Variants in ACO2 observed in about 807,000 individuals in gnomAD.
ACO2 encodes the protein aconitate hydratase, mitochondrial.
A neutral mutation model predicts 84.5 loss-of-function variants in ACO2; 31 were observed. That is an observed-to-expected ratio of 0.37 (90% CI 0.28 to 0.50). The LOEUF is 0.50. ACO2 is among the 20% of genes least tolerant of loss of function. The pLI, the probability that ACO2 is intolerant of heterozygous loss-of-function variation, is 0.97. For missense variants in ACO2, 685 were observed against 1,029.3 expected, an observed-to-expected ratio of 0.67 and a Z score of 4.58; for synonymous variants, 414 against 412.7, an observed-to-expected ratio of 1.00 and a Z score of -0.04.
chr22:41,482,256 A>G (rs1018849449), intron 1 of ACO2, among the ~76,000 whole-genome samples: 1 of 152,040 alleles, frequency 6.6e-6, no homozygotes, highest in African/African-American at 2.4e-5. Context: ...GGGACCAACA[A>G]CCCCCTGGAG....
intron 1 of ACO2, among the ~76,000 whole-genome samples, chr22:41,498,859 C>T (rs1265719411): frequency 5.9e-5 from 9 of 151,978 alleles, no homozygotes; most frequent in Admixed American, 2.0e-4. Flanking sequence ...TTTGGGAGGC[C>T]GAGGCAGATG....
chr22:41,513,491 T>C (rs1432793583), intron 4 of ACO2, among the ~76,000 whole-genome samples: 3 of 152,222 alleles, frequency 2.0e-5, no homozygotes, highest in Non-Finnish European at 4.4e-5. Context: ...CTGGCCCCAC[T>C]TGGCCCGCAG....
At position 41,517,618 on chromosome 22, in the gene ACO2, G is replaced by C. The variant is rs772325936; in HGVS notation, c.927G>C (p.Lys309Asn). The C allele has an allele frequency of 3.7e-6, 6 of 1,613,898 alleles. No individual in the cohort carries two copies. Among genetic ancestry groups the C allele is most frequent in the Non-Finnish European group, 5.1e-6 (6 of 1,180,014 alleles). ...ACAGGATGAAGAAGTACCTGAGCAA[G>C]ACCGGCCGGGAAGGTGAGCTGGCAG... ...YNHRMKKYLS[K>N]TGREDIANLA... is the part of the protein sequence containing the mutation. Residue 309 changes from lysine (K) to asparagine (N), a missense_variant, in exon 7 of 18, where the codon AAG (lysine) becomes AAC (asparagine). This residue lies in a region of ACO2 where 311 missense variants were observed against 441.6 expected (regional missense o/e 0.70). Coordinates refer to ENST00000216254, the MANE Select transcript of ACO2 (RefSeq NM_001098.3).
intron 2 of ACO2, among the ~76,000 whole-genome samples, chr22:41,502,378 G>T (rs116036516): frequency 6.6e-6 from 1 of 152,132 alleles, no homozygotes; most frequent in African/African-American, 2.4e-5. Flanking sequence ...AGGGACTTAC[G>T]TGCCTGTCAA....
At chr22:41,514,481 T>C (rs1302761611) in intron 4 of ACO2, among the ~76,000 whole-genome samples, 1 of 152,194 alleles carries the variant, frequency 6.6e-6, no homozygotes, top group Non-Finnish European at 1.5e-5. Context: ...AAGTGACTTG[T>C]CCATGGTCCC....
At chr22:41,485,434 A>ATTTTTT (rs71184813) in intron 1 of ACO2, among the ~76,000 whole-genome samples, 2 of 69,026 alleles carry the variant, frequency 2.9e-5, no homozygotes, top group Non-Finnish European at 5.7e-5. Flanking sequence ...TGCCCGGCTA[A>ATTTTTT]TTTTTTTTTT....
chr22:41,489,671 C>T (rs2066257664), intron 1 of ACO2, among the ~76,000 whole-genome samples: 1 of 151,604 alleles, frequency 6.6e-6, no homozygotes, highest in Non-Finnish European at 1.5e-5. Flanking sequence ...GTTAAACATT[C>T]TGGGCAAGAC....
At chr22:41,494,994 A>G (rs1368099804) in intron 1 of ACO2, among the ~76,000 whole-genome samples, 2 of 151,700 alleles carry the variant, frequency 1.3e-5, no homozygotes, top group African/African-American at 4.8e-5. Context: ...TCAGCCTCTC[A>G]AAGTGCTGGA....
chr22:41,525,081 A>G (rs1407459483), intron 13 of ACO2, 112 bp from the exon 14 acceptor site: 2 of 1,597,568 alleles, frequency 1.3e-6, no homozygotes, highest in East Asian at 4.5e-5. Flanking sequence ...AGAAGGAAGC[A>G]GCTCTGTTCC....
chr22:41,480,221 A>G (rs1368918545), intron 1 of ACO2, among the ~76,000 whole-genome samples: 1 of 152,240 alleles, frequency 6.6e-6, no homozygotes, highest in Non-Finnish European at 1.5e-5. Context: ...CCACTTAGAC[A>G]GAGTCCACCT....
chr22:41,486,912 CT>C (rs2038164532), intron 1 of ACO2, among the ~76,000 whole-genome samples: 1 of 151,848 alleles, frequency 6.6e-6, no homozygotes, highest in South Asian at 2.1e-4. Context: ...TTGAGACAGT[CT>C]GTCTCTGTCG....
At chr22:41,474,846 G>T (rs2037993538) in intron 1 of ACO2, among the ~76,000 whole-genome samples, 1 of 151,760 alleles carries the variant, frequency 6.6e-6, no homozygotes, top group Admixed American at 6.6e-5. Context: ...TGATCTGCCT[G>T]CCTCGGCCTC....
chr22:41,479,955 T>C (rs533282601), intron 1 of ACO2, among the ~76,000 whole-genome samples: 1 of 152,368 alleles, frequency 6.6e-6, no homozygotes, highest in East Asian at 1.9e-4. Flanking sequence ...GGCTTTGACT[T>C]GGAGAGACAT....
intron 1 of ACO2, among the ~76,000 whole-genome samples, chr22:41,482,344 C>T (rs1278963983): frequency 2.0e-5 from 3 of 152,248 alleles, no homozygotes; most frequent in Admixed American, 1.3e-4. Context: ...AAGTCTCGGC[C>T]TCTGCAAGTT....
chr22:41,523,348 G>T (rs927424471), intron 11 of ACO2, 70 bp downstream of exon 11: 1 of 1,257,024 alleles, frequency 8.0e-7, no homozygotes, highest in East Asian at 2.4e-5. Flanking sequence ...GTTGGAGGGG[G>T]AATTATTGGG....
In ACO2 at chr22:41,528,759, CTGTGGT is replaced by C; in HGVS notation, c.*153_*158del. 8.2e-7 allele frequency: 1 copy of C among 1,219,574 alleles called. No individual in the cohort carries two copies. The highest frequency in any genetic ancestry group is 1.5e-5 in the African/African-American group (1 of 65,204). The allele number at this position is 1,219,574 out of a possible 1,614,324, so 75.5% of individuals were successfully genotyped here. A position where few individuals can be genotyped will look rare whatever the true frequency, so the allele number is the denominator to read the frequency against. On this transcript the variant is annotated 3_prime_UTR_variant, in exon 18 of 18. Transcript: ENST00000216254. ...GCTCCCCGCTTAGCCCACGGAGTGA[CTGTGGT>C]TGTGGTGGGGGGGTTCTTAAAATAA...
rs147378062 is a variant in ACO2, at chr22:41,528,571, C to T, written c.2301C>T (p.Arg767=). The change falls in exon 18 of 18, where the codon CGC becomes CGT. Residue 767 remains arginine (R), a synonymous_variant. Coordinates refer to ENST00000216254, the MANE Select transcript of ACO2 (RefSeq NM_001098.3). ...TFNETQIEWF[R]AGSALNRMKE... ...ACGAGACGCAGATTGAGTGGTTCCG[C>T]GCTGGCAGTGCCCTCAACAGAATGA... 120 of 1,612,832 alleles carry T rather than the reference C, an allele frequency of 7.4e-5. No individual in the cohort carries two copies. Among genetic ancestry groups the T allele is most frequent in the Admixed American group, 2.3e-4 (14 of 60,006 alleles).
At chr22:41,522,619 C>T (rs182474654) in intron 9 of ACO2, among the ~76,000 whole-genome samples, 90 of 151,950 alleles carry the variant, frequency 5.9e-4, no homozygotes, top group African/African-American at 2.0e-3. Context: ...ATGGCTACAG[C>T]ATCTTTCTTC....
rs534315192 is a variant in ACO2 at position 41,495,270 on chromosome 22, T to G, written c.37-4456T>G. ...CTGGTCTTGAACTCCTGGGCTCAAT[T>G]GATCCTCCTGCCTCAGCCTCCCAAA... is the stretch of plus-strand genomic sequence containing the variant. On this transcript the variant is annotated intron_variant, in intron 1 of 17. Coordinates refer to ENST00000216254, the MANE Select transcript of ACO2 (RefSeq NM_001098.3). 1.2e-3 allele frequency among the ~76,000 whole-genome samples: 180 copies of G among 152,172 alleles called. 2 individuals are homozygous for G. Among genetic ancestry groups the G allele is most frequent in the Admixed American group, 0.011 (171 of 15,278 alleles).
Sources: allele counts gnomAD v4.1 joint callset (sites outside exome capture counted in the v4.1 genomes callset), GRCh38; gene constraint gnomAD v4.1.1; regional missense constraint gnomAD v4.1.1; transcripts MANE v1.5; gene names NCBI Gene and HGNC (gene_info 2026-07-23, HGNC 2026-07-21).